The following GIMAP2 variants were observed in gnomAD, a reference collection of about 807,000 sequenced individuals.
GIMAP2 encodes GTPase, IMAP family member 2, also known as GTPase IMAP family member 2.
Under a neutral mutation model 25.5 loss-of-function variants are expected in GIMAP2, and 22 were observed. The ratio of observed to expected loss-of-function variants is 0.86; its 90% CI spans 0.62 to 1.23. GIMAP2 has a LOEUF of 1.23. Among genes scored for constraint, GIMAP2 ranks in the 50% most tolerant of loss-of-function variants. The probability of loss-of-function intolerance (pLI) is 0.00; values close to 1 mark genes in which losing one functional copy is unlikely to be tolerated. For missense variants in GIMAP2, 422 were observed against 395.7 expected, an observed-to-expected ratio of 1.07 and a Z score of -0.56; for synonymous variants, 167 against 143.0, an observed-to-expected ratio of 1.17 and a Z score of -1.20.
At chr7:150,687,717 T>TG (rs1563354146) in intron 2 of GIMAP2, among the ~76,000 whole-genome samples, 1 of 150,048 alleles carries the variant, frequency 6.7e-6, no homozygotes, top group African/African-American at 2.5e-5. Context: ...CATAGGTTCT[T>TG]TGTGTGTGTG....
At chr7:150,690,816 A>G (rs1796958588) in intron 2 of GIMAP2, among the ~76,000 whole-genome samples, 1 of 152,242 alleles carries the variant, frequency 6.6e-6, no homozygotes, top group Non-Finnish European at 1.5e-5. Flanking sequence ...TCATATGACT[A>G]GCAATGGAAA....
rs942882230 is a variant in GIMAP2, at chr7:150,693,469, A to G, written c.*169A>G. 3 of 515,036 alleles carry G rather than the reference A, an allele frequency of 5.8e-6. No homozygotes were observed. The highest frequency in any genetic ancestry group is 1.0e-5 in the Non-Finnish European group (3 of 296,780). 31.9% of individuals were successfully genotyped at this position (515,036 alleles called of 1,614,324 possible). Reference sequence around the variant, plus strand: ...AATCATACGATAAGTTACTGTTTGCATTGAAATATAATATCAAAGCCTTTT... The same window carrying G: ...AATCATACGATAAGTTACTGTTTGCGTTGAAATATAATATCAAAGCCTTTT... On this transcript the variant is annotated 3_prime_UTR_variant, in exon 3 of 3. Transcript: ENST00000223293.
Position 150,693,520 on chromosome 7 carries a change from T to C in GIMAP2, c.*220T>C, listed in dbSNP as rs1796993442. The C allele has an allele frequency of 2.3e-6, 1 of 427,404 alleles. No homozygotes were observed. The allele number at this position is 427,404 out of a possible 1,614,324, so 26.5% of individuals were successfully genotyped here. A position where few individuals can be genotyped will look rare whatever the true frequency, so the allele number is the denominator to read the frequency against. ...GAAATCTGTAAACATAAAATTCCTCTCATTTTCAAATATCTAAAGCCAGTT... is the reference window on the plus strand; with the variant it reads ...GAAATCTGTAAACATAAAATTCCTCCCATTTTCAAATATCTAAAGCCAGTT... On this transcript the variant is annotated 3_prime_UTR_variant, in exon 3 of 3. Transcript: ENST00000223293.
At chr7:150,689,926 C>A (rs1450843604) in intron 2 of GIMAP2, among the ~76,000 whole-genome samples, 1 of 122,136 alleles carries the variant, frequency 8.2e-6, no homozygotes, top group Non-Finnish European at 1.8e-5. Context: ...GGTTGACAAA[C>A]CCTTTCCCTT....
intron 2 of GIMAP2, 112 bp from the exon 3 acceptor site, chr7:150,692,203 C>A (rs763618331): frequency 5.8e-6 from 6 of 1,038,870 alleles, no homozygotes; most frequent in Non-Finnish European, 8.2e-6. Flanking sequence ...CCAGCCTGGG[C>A]GACAGAGCGA....
chr7:150,688,787 C>G (rs1038254257), intron 2 of GIMAP2, among the ~76,000 whole-genome samples: 1 of 152,124 alleles, frequency 6.6e-6, no homozygotes, highest in African/African-American at 2.4e-5. Flanking sequence ...CCATCCCATG[C>G]CCCATTACAG....
In GIMAP2 at chr7:150,692,490, G is replaced by A; in HGVS notation, c.204G>A (p.Trp68Ter). 6.2e-7 allele frequency: 1 copy of A among 1,614,168 alleles called. No homozygotes were observed. Among genetic ancestry groups the A allele is most frequent in the Non-Finnish European group, 8.5e-7 (1 of 1,180,010 alleles). ...CTTGCAGCAAAAGTCAGGGAAGCTG[G>A]GGAAATAGAGAGATTGTCATTATTG... is the stretch of plus-strand genomic sequence containing the variant. The part of the protein sequence containing the change: ...TKTCSKSQGS[W>*]GNREIVIIDT... The change falls in exon 3 of 3, where the codon TGG (tryptophan) becomes TGA (stop). Residue 68 changes from tryptophan to a stop codon, truncating the protein, a stop_gained. Coordinates refer to ENST00000223293, the MANE Select transcript of GIMAP2 (RefSeq NM_015660.3). LOFTEE classifies it high-confidence loss of function.
In GIMAP2 at chr7:150,693,351, A is replaced by C; in HGVS notation, c.*51A>C. 8.0e-7 allele frequency: 1 copy of C among 1,242,482 alleles called. No individual in the cohort carries two copies. The highest frequency in any genetic ancestry group is 1.1e-6 in the Non-Finnish European group (1 of 903,104). 77.0% of individuals were successfully genotyped at this position (1,242,482 alleles called of 1,614,324 possible). A position where few individuals can be genotyped will look rare whatever the true frequency, so the allele number is the denominator to read the frequency against. ...CACTATCATTTAGTGGGTGAATCAC[A>C]GTAATTTCCCTGTAAAATGTGGTAC... On this transcript the variant is annotated 3_prime_UTR_variant, in exon 3 of 3. Transcript: ENST00000223293.
At chr7:150,692,183 C>A (rs1164103369) in intron 2 of GIMAP2, 132 bp from the exon 3 acceptor site, 1 of 797,494 alleles carries the variant, frequency 1.3e-6, no homozygotes, top group Non-Finnish European at 1.9e-6. Context: ...CGAGATCACG[C>A]CATTGCACTC....
Position 150,693,353 on chromosome 7 carries a change from T to A in GIMAP2, c.*53T>A. The A allele has an allele frequency of 1.6e-6, 2 of 1,213,716 alleles. No individual in the cohort carries two copies. The highest frequency in any genetic ancestry group is 2.3e-6 in the Non-Finnish European group (2 of 877,796). The allele number at this position is 1,213,716 out of a possible 1,614,324, so 75.2% of individuals were successfully genotyped here. On this transcript the variant is annotated 3_prime_UTR_variant, in exon 3 of 3. Coordinates refer to ENST00000223293, the MANE Select transcript of GIMAP2 (RefSeq NM_015660.3). ...CTATCATTTAGTGGGTGAATCACAG[T>A]AATTTCCCTGTAAAATGTGGTACCT...
Position 150,692,946 on chromosome 7 carries a change from C to A in GIMAP2, c.660C>A (p.Ser220Arg). ...ATCACTATACCAATGGGTTGTACAGCCTAATACAGAGGTCTAAATGTGGAC... is the reference window on the plus strand; with the variant it reads ...ATCACTATACCAATGGGTTGTACAGACTAATACAGAGGTCTAAATGTGGAC... ...NGDHYTNGLY[S>R]LIQRSKCGPV... is the part of the protein sequence containing the mutation. Residue 220 changes from serine (S) to arginine (R), a missense_variant, in exon 3 of 3, where the codon AGC (serine) becomes AGA (arginine). By Grantham distance (110) the Ser-to-Arg change is moderately radical. Transcript: ENST00000223293. 6.2e-7 allele frequency: 1 copy of A among 1,613,962 alleles called. No homozygotes were observed. The highest frequency in any genetic ancestry group is 1.6e-4 in the Middle Eastern group (1 of 6,062).
At position 150,692,556 on chromosome 7, in the gene GIMAP2, T is replaced by A; in HGVS notation, c.270T>A (p.Ala90=). Residue 90 remains alanine (A), a synonymous_variant, in exon 3 of 3, where the codon GCT becomes GCA. Transcript: ENST00000223293. ...TTTCTTGGAAGGACCACTGTGAAGC[T>A]CTGTACAAAGAGGTGCAGAGGTGCT... ...DMFSWKDHCE[A]LYKEVQRCYL... 1 of 1,614,112 alleles carries A rather than the reference T, an allele frequency of 6.2e-7. No homozygotes were observed. Among genetic ancestry groups the A allele is most frequent in the Non-Finnish European group, 8.5e-7 (1 of 1,180,010 alleles).
rs569090644 is a variant in GIMAP2 at position 150,690,212 on chromosome 7, G to C, written c.29-2103G>C. On this transcript the variant is annotated intron_variant, in intron 2 of 2. Coordinates refer to ENST00000223293, the MANE Select transcript of GIMAP2 (RefSeq NM_015660.3). The stretch of plus-strand genomic sequence containing the variant: ...CTACAAGAGACATTGGCTCCTGTGA[G>C]TCCAGGTGGCTTCTATAACTGCTCA... Among the ~76,000 whole-genome samples, 3 of 152,286 alleles carry C rather than the reference G, an allele frequency of 2.0e-5. No individual in the cohort carries two copies. The East Asian group carries it at 5.8e-4, about 29-fold the overall frequency.
chr7:150,687,152 G>A, intron 2 of GIMAP2, 65 bp downstream of exon 2: 4 of 920,984 alleles, frequency 4.3e-6, no homozygotes, highest in Non-Finnish European at 6.5e-6. Context: ...GTGTGTGTGT[G>A]TGTTTGGCTC....
intron 2 of GIMAP2, among the ~76,000 whole-genome samples, chr7:150,687,812 G>C (rs1796920858): frequency 6.8e-6 from 1 of 146,830 alleles, no homozygotes; most frequent in African/African-American, 2.5e-5. Context: ...TCCTCTTCTT[G>C]CACCTGTTTC....
At chr7:150,689,217 T>C (rs1796938444) in intron 2 of GIMAP2, among the ~76,000 whole-genome samples, 1 of 152,238 alleles carries the variant, frequency 6.6e-6, no homozygotes, top group Non-Finnish European at 1.5e-5. Context: ...AAGAATTCTC[T>C]TCACTTTGCT....
chr7:150,692,495 A>C lies in GIMAP2; in HGVS notation c.209A>C (p.Asn70Thr). 6.2e-7 allele frequency: 1 copy of C among 1,614,190 alleles called. No individual in the cohort carries two copies. Among genetic ancestry groups the C allele is most frequent in the Non-Finnish European group, 8.5e-7 (1 of 1,180,006 alleles). ...AGCAAAAGTCAGGGAAGCTGGGGAAATAGAGAGATTGTCATTATTGACACA... is the reference window on the plus strand; with the variant it reads ...AGCAAAAGTCAGGGAAGCTGGGGAACTAGAGAGATTGTCATTATTGACACA... The part of the protein sequence containing the change: ...TCSKSQGSWG[N>T]REIVIIDTPD... The change falls in exon 3 of 3, where the codon AAT becomes ACT. Residue 70 changes from asparagine (N) to threonine (T), a missense_variant. Physicochemically the swap from Asn to Thr is moderately conservative, Grantham distance 65. Transcript: ENST00000223293.
chr7:150,687,105 C>CGTGTGTGTGT lies in GIMAP2; in HGVS notation c.28+59_28+68dup, dbSNP rs35656746. Reference sequence around the variant, plus strand: ...TCACTGGGGTAAGAAGGTGACTTCACGTGTGTGTGTGTGTGTGTGTGTGTG... The same window carrying CGTGTGTGTGT: ...TCACTGGGGTAAGAAGGTGACTTCACGTGTGTGTGTGTGTGTGTGTGTGTGTGTGTGTGTG... On this transcript the variant is annotated intron_variant, in intron 2 of 2. Coordinates refer to ENST00000223293, the MANE Select transcript of GIMAP2 (RefSeq NM_015660.3). 3.1e-4 allele frequency: 388 copies of CGTGTGTGTGT among 1,269,218 alleles called. 2 individuals are homozygous for CGTGTGTGTGT. The highest frequency in any genetic ancestry group is 1.1e-3 in the Admixed American group (59 of 52,774). The allele number at this position is 1,269,218 out of a possible 1,614,324, so 78.6% of individuals were successfully genotyped here.
Position 150,692,343 on chromosome 7 carries a change from C to T in GIMAP2, c.57C>T (p.Ser19=). ...CACATGCAAAGGGCCAATGTGCCAG[C>T]AGATCTGAGCTGAGAATCATCCTGG... is the stretch of plus-strand genomic sequence containing the variant. The part of the protein sequence containing the change: ...WGPHAKGQCA[S]RSELRIILVG... The change falls in exon 3 of 3, where the codon AGC becomes AGT. Residue 19 remains serine (S), a synonymous_variant. Transcript: ENST00000223293. 1.2e-6 allele frequency: 2 copies of T among 1,613,982 alleles called. No homozygotes were observed. The highest frequency in any genetic ancestry group is 1.1e-5 in the South Asian group (1 of 91,078).
Sources: allele counts gnomAD v4.1 joint callset (sites outside exome capture counted in the v4.1 genomes callset), GRCh38; gene constraint gnomAD v4.1.1; transcripts MANE v1.5; gene names NCBI Gene and HGNC (gene_info 2026-07-23, HGNC 2026-07-21).